The following ASIC2 variants were observed in gnomAD, a reference collection of about 807,000 sequenced individuals.
The protein encoded by ASIC2 is acid-sensing ion channel 2.
In ASIC2, 25 loss-of-function variants were observed where a neutral mutation model predicts 57.3. The observed-to-expected ratio is 0.44, with a 90% CI of 0.32 to 0.61. The LOEUF (loss-of-function observed/expected upper bound fraction) is 0.61. Ranked by LOEUF, ASIC2 falls within the 20% of genes least tolerant of loss-of-function variation. The pLI, the probability that ASIC2 is intolerant of heterozygous loss-of-function variation, is 0.06. For missense variants in ASIC2, 641 were observed against 738.1 expected (o/e 0.87, Z 1.52); for synonymous variants, 319 against 307.5 (o/e 1.04, Z -0.39).
chr17:33,311,478 G>A (rs377503429), intron 1 of ASIC2, among the ~76,000 whole-genome samples: 15 of 151,608 alleles, frequency 9.9e-5, no homozygotes, highest in African/African-American at 3.2e-4. Flanking sequence ...AGGTGGTGGA[G>A]GAATAGTCAG....
intron 1 of ASIC2, among the ~76,000 whole-genome samples, chr17:33,960,989 C>T (rs1263449504): frequency 1.3e-5 from 2 of 152,102 alleles, no homozygotes; most frequent in African/African-American, 4.8e-5. Flanking sequence ...GCAGGCAACC[C>T]TAAGTACGTG....
chr17:34,049,737 T>G (rs1238342025), intron 1 of ASIC2, among the ~76,000 whole-genome samples: 1 of 152,224 alleles, frequency 6.6e-6, no homozygotes, highest in Non-Finnish European at 1.5e-5. Flanking sequence ...TCTATTCATC[T>G]GATCAATTCT....
intron 1 of ASIC2, among the ~76,000 whole-genome samples, chr17:33,392,665 G>A (rs933343922): frequency 1.3e-5 from 2 of 152,070 alleles, no homozygotes; most frequent in African/African-American, 2.4e-5. Flanking sequence ...GTGTCACATG[G>A]TCAAGTCACA....
intron 1 of ASIC2, among the ~76,000 whole-genome samples, chr17:33,430,411 A>C (rs1331214678): frequency 2.0e-5 from 3 of 152,198 alleles, no homozygotes; most frequent in Non-Finnish European, 4.4e-5. Context: ...TGAAGGAAAT[A>C]AAGTTGGGGG....
intron 1 of ASIC2, among the ~76,000 whole-genome samples, chr17:33,635,289 A>G (rs567867034): frequency 2.0e-5 from 3 of 152,248 alleles, no homozygotes. Flanking sequence ...CTCAGATACT[A>G]TGCTAATTGC....
chr17:33,987,091 T>C (rs1228276983), intron 1 of ASIC2, among the ~76,000 whole-genome samples: 2 of 152,186 alleles, frequency 1.3e-5, no homozygotes, highest in African/African-American at 4.8e-5. Flanking sequence ...TGGACCTCAC[T>C]TTACAGATGA....
intron 1 of ASIC2, among the ~76,000 whole-genome samples, chr17:33,780,482 C>T (rs944588376): frequency 4.6e-5 from 7 of 152,226 alleles, no homozygotes; most frequent in South Asian, 2.1e-4. Context: ...CAGTGCAAAG[C>T]ACACACTACA....
chr17:33,291,324 G>C, intron 1 of ASIC2, 84 bp downstream of exon 1: 1 of 1,488,832 alleles, frequency 6.7e-7, no homozygotes, highest in Non-Finnish European at 8.9e-7. Context: ...CCTGGGGACA[G>C]CCCCGAGGGG....
intron 1 of ASIC2, among the ~76,000 whole-genome samples, chr17:33,594,254 C>T (rs942076065): frequency 5.9e-5 from 9 of 152,252 alleles, no homozygotes; most frequent in Admixed American, 5.9e-4. Flanking sequence ...TTGGTGTTCA[C>T]CAGCTGCCTG....
intron 1 of ASIC2, among the ~76,000 whole-genome samples, chr17:33,631,447 C>T (rs781616567): frequency 6.6e-5 from 10 of 151,210 alleles, no homozygotes; most frequent in Non-Finnish European, 1.2e-4. Flanking sequence ...CTCATGATGA[C>T]ATTATGGGCT....
At chr17:34,080,892 TG>T (rs1483742358) in intron 1 of ASIC2, 4 of 152,328 alleles carry the variant, frequency 2.6e-5, no homozygotes, top group African/African-American at 9.6e-5. Flanking sequence ...TGACAGCTTT[TG>T]TAGATCTTTA....
At chr17:34,040,914 T>C (rs1444473425) in intron 1 of ASIC2, among the ~76,000 whole-genome samples, 2 of 152,170 alleles carry the variant, frequency 1.3e-5, no homozygotes, top group Admixed American at 6.5e-5. Flanking sequence ...TATTACCGTT[T>C]TGATCATTTT....
chr17:33,831,053 G>A (rs1206094717), intron 1 of ASIC2, among the ~76,000 whole-genome samples: 1 of 124,402 alleles, frequency 8.0e-6, no homozygotes. Context: ...AGGTTGCAAT[G>A]AGCAGAGATT....
chr17:33,112,263 G>A (rs1451482099), intron 1 of ASIC2, 196 bp from the exon 2 acceptor site: 1 of 665,822 alleles, frequency 1.5e-6, no homozygotes, highest in Non-Finnish European at 2.4e-6. Context: ...TGGCATCAAA[G>A]AGCAAATCTG....
intron 1 of ASIC2, among the ~76,000 whole-genome samples, chr17:33,368,631 C>T (rs183672262): frequency 2.0e-5 from 3 of 152,320 alleles, no homozygotes; most frequent in East Asian, 1.9e-4. Context: ...TTAACCTCCA[C>T]CACTTTCTAC....
rs903423260 is a variant in ASIC2 at position 33,292,180 on chromosome 17, CGCAGCAGCAGTGGAA to C, written c.-80_-66del. The C allele has an allele frequency of 2.0e-5, 20 of 1,014,350 alleles. No individual in the cohort carries two copies. The highest frequency in any genetic ancestry group is 5.2e-5 in the African/African-American group (3 of 57,372). 62.8% of individuals were successfully genotyped at this position (1,014,350 alleles called of 1,614,324 possible). A position where few individuals can be genotyped will look rare whatever the true frequency, so the allele number is the denominator to read the frequency against. On this transcript the variant is annotated 5_prime_UTR_variant, in exon 1 of 10. Transcript: ENST00000225823. The stretch of plus-strand genomic sequence containing the variant: ...GCCGGGCGGAGCCGCCATGGGAGTC[CGCAGCAGCAGTGGAA>C]GCAGCAGCAGCGGCAGCCGCGCGCA...
intron 1 of ASIC2, among the ~76,000 whole-genome samples, chr17:34,090,243 T>C (rs748744887): frequency 3.9e-5 from 6 of 152,144 alleles, no homozygotes; most frequent in Non-Finnish European, 7.4e-5. Flanking sequence ...TGAAAATAAA[T>C]CCCAGGGACA....
At chr17:34,065,380 G>A (rs1411178880) in intron 1 of ASIC2, among the ~76,000 whole-genome samples, 4 of 152,130 alleles carry the variant, frequency 2.6e-5, no homozygotes, top group African/African-American at 4.8e-5. Context: ...GGGAGCTAGG[G>A]ATAAAAGACT....
intron 1 of ASIC2, among the ~76,000 whole-genome samples, chr17:34,021,104 G>A (rs147346355): frequency 1.9e-3 from 287 of 152,172 alleles, no homozygotes; most frequent in African/African-American, 6.7e-3. Context: ...GGCTGGGAGG[G>A]TGTCAAGGGA....
Sources: allele counts gnomAD v4.1 joint callset (sites outside exome capture counted in the v4.1 genomes callset), GRCh38; gene constraint gnomAD v4.1.1; transcripts MANE v1.5; gene names NCBI Gene and HGNC (gene_info 2026-07-23, HGNC 2026-07-21).